Variants in VWDE observed in about 807,000 individuals in gnomAD.
VWDE encodes the protein von Willebrand factor D and EGF domains, also known as von Willebrand factor D and EGF domain-containing protein.
A neutral mutation model predicts 178.4 loss-of-function variants in VWDE; 207 were observed. The observed-to-expected ratio is 1.16, with a 90% CI of 1.04 to 1.30. The LOEUF is 1.30. VWDE is among the 50% of genes most tolerant of loss of function. VWDE has a pLI of 0.00. For synonymous variants in VWDE, 738 were observed against 651.4 expected (o/e 1.13, Z -2.02); for missense variants, 2,287 against 1,901.3 (o/e 1.20, Z -3.77).
At chr7:12,376,306 C>A (rs1364346321) in intron 7 of VWDE, among the ~76,000 whole-genome samples, 1 of 143,066 alleles carries the variant, frequency 7.0e-6, no homozygotes, top group Non-Finnish European at 1.6e-5. Context: ...CAGACACCAA[C>A]TGGTTCCCTA....
intron 2 of VWDE, 72 bp downstream of exon 2, chr7:12,393,522 G>A: frequency 1.6e-6 from 2 of 1,271,368 alleles, no homozygotes; most frequent in East Asian, 2.6e-5. Context: ...TAAGCTGGTG[G>A]TAAAAAGATA....
intron 18 of VWDE, chr7:12,354,453 G>A (rs1482830220): frequency 1.5e-5 from 6 of 410,470 alleles, no homozygotes; most frequent in Non-Finnish European, 2.4e-5. Context: ...AAGGCTTGGA[G>A]TCACACTCAT....
At chr7:12,379,870 G>A (rs1253087598) in intron 5 of VWDE, among the ~76,000 whole-genome samples, 3 of 152,060 alleles carry the variant, frequency 2.0e-5, no homozygotes, top group East Asian at 1.9e-4. Context: ...CGAGGCGGGC[G>A]GATCACGAGG....
At chr7:12,379,844 C>T (rs1783744068) in intron 5 of VWDE, among the ~76,000 whole-genome samples, 1 of 152,056 alleles carries the variant, frequency 6.6e-6, no homozygotes, top group Admixed American at 6.5e-5. Flanking sequence ...CCTGTAATCC[C>T]AGCACTTTGG....
rs903660247 is a variant in VWDE at position 12,402,425 on chromosome 7, G to A, written c.58+1234C>T. On this transcript the variant is annotated intron_variant, in intron 1 of 28. Coordinates refer to ENST00000275358, the MANE Select transcript of VWDE (RefSeq NM_001135924.3). ...CTAGTTTTACTCCATTAAACATAAA[G>A]AACTTGACAATGTTACCAATGTTAT... 2.4e-4 allele frequency among the ~76,000 whole-genome samples: 36 copies of A among 152,070 alleles called. 1 individual carries two copies. The highest frequency in any genetic ancestry group is 8.7e-4 in the African/African-American group (36 of 41,430).
chr7:12,340,496 G>A, intron 23 of VWDE, 79 bp from the exon 24 acceptor site: 1 of 969,276 alleles, frequency 1.0e-6, no homozygotes, highest in Non-Finnish European at 1.5e-6. Context: ...GTGCAAAATG[G>A]TGCATAATGA....
chr7:12,353,421 G>GT (rs1159321225), intron 18 of VWDE, among the ~76,000 whole-genome samples: 5 of 2,422 alleles, frequency 2.1e-3, no homozygotes, highest in Non-Finnish European at 5.9e-3. Flanking sequence ...TATAAATTTT[G>GT]GGGGGACGCA....
Position 12,377,861 on chromosome 7 carries a change from T to C in VWDE, c.939A>G (p.Glu313=). ...EDGKEYYLRI[E]STVPIICSEF... ...CAGAACAAATAATAGGAACTGTGCT[T>C]TCTATCCTCAGGTAGTATTCTTTCC... The change falls in exon 7 of 29, where the codon GAA becomes GAG. Residue 313 remains glutamate (E), a synonymous_variant. Transcript: ENST00000275358. 6.5e-7 allele frequency: 1 copy of C among 1,529,590 alleles called. No individual in the cohort carries two copies. Among genetic ancestry groups the C allele is most frequent in the Non-Finnish European group, 8.8e-7 (1 of 1,136,890 alleles). 94.8% of individuals were successfully genotyped at this position (1,529,590 alleles called of 1,614,324 possible).
chr7:12,341,926 C>T (rs1357850391), intron 23 of VWDE, 133 bp downstream of exon 23: 7 of 596,644 alleles, frequency 1.2e-5, no homozygotes, highest in African/African-American at 3.7e-5. Context: ...AAAAATCTGT[C>T]TGAAATAACA....
chr7:12,346,838 TA>T (rs1340171329), intron 19 of VWDE, among the ~76,000 whole-genome samples: 1 of 152,058 alleles, frequency 6.6e-6, no homozygotes, highest in Non-Finnish European at 1.5e-5. Flanking sequence ...TCTTAAAATA[TA>T]AAAAACACTT....
At chr7:12,373,282 C>T (rs1016628151) in intron 9 of VWDE, 35 bp from the exon 10 acceptor site, 18 of 1,539,448 alleles carry the variant, frequency 1.2e-5, no homozygotes, top group East Asian at 2.4e-5. Flanking sequence ...ATTAAAAAAT[C>T]GTGTAAAATA....
intron 1 of VWDE, among the ~76,000 whole-genome samples, chr7:12,393,985 A>G (rs1784512131): frequency 6.6e-6 from 1 of 152,200 alleles, no homozygotes; most frequent in Admixed American, 6.5e-5. Context: ...AAACAAATCA[A>G]CAAAACTCTT....
Position 12,377,918 on chromosome 7 carries a change from T to C in VWDE, c.882A>G (p.Leu294=), listed in dbSNP as rs1783632001. 2.1e-6 allele frequency: 3 copies of C among 1,410,344 alleles called. No individual in the cohort carries two copies. The highest frequency in any genetic ancestry group is 1.5e-5 in the African/African-American group (1 of 67,554). 87.4% of individuals were successfully genotyped at this position (1,410,344 alleles called of 1,614,324 possible). A position where few individuals can be genotyped will look rare whatever the true frequency, so the allele number is the denominator to read the frequency against. The change falls in exon 7 of 29, where the codon CTA becomes CTG. Residue 294 remains leucine (L), a splice_region_variant and synonymous_variant. Coordinates refer to ENST00000275358, the MANE Select transcript of VWDE (RefSeq NM_001135924.3). The part of the protein sequence containing the change: ...ESQEFFAGFK[L]QPELSTISED... ...CTGATATAGTGCTCAATTCAGGCTG[T>C]AGCTGGTATAAGAAAATACGTAGAA...
At position 12,361,131 on chromosome 7, in the gene VWDE, T is replaced by C. The variant is rs1304844733; in HGVS notation, c.3159+16A>G. 17 of 1,434,608 alleles carry C rather than the reference T, an allele frequency of 1.2e-5. No individual in the cohort carries two copies. The highest frequency in any genetic ancestry group is 1.3e-5 in the Non-Finnish European group (14 of 1,052,790). 88.9% of individuals were successfully genotyped at this position (1,434,608 alleles called of 1,614,324 possible). ...CCTATGATGTAAATGTGAAAATACA[T>C]GAAAAAAATACATACCTTTATAGTA... On this transcript the variant is annotated intron_variant, in intron 15 of 28. Coordinates refer to ENST00000275358, the MANE Select transcript of VWDE (RefSeq NM_001135924.3).
intron 5 of VWDE, 71 bp from the exon 6 acceptor site, chr7:12,379,637 A>G (rs531851868): frequency 9.1e-7 from 1 of 1,103,148 alleles, no homozygotes; most frequent in Non-Finnish European, 1.3e-6. Flanking sequence ...TATCACTTTT[A>G]AAATCCTAAA....
At chr7:12,389,652 T>C (rs1468084092) in intron 2 of VWDE, among the ~76,000 whole-genome samples, 1 of 152,204 alleles carries the variant, frequency 6.6e-6, no homozygotes, top group African/African-American at 2.4e-5. Flanking sequence ...CTCAGATACC[T>C]TACTAAAATA....
At chr7:12,358,658 T>G (rs1214095859) in intron 16 of VWDE, among the ~76,000 whole-genome samples, 1 of 152,178 alleles carries the variant, frequency 6.6e-6, no homozygotes, top group Non-Finnish European at 1.5e-5. Context: ...CTTAATTTCC[T>G]CATCCTCAAT....
Position 12,383,553 on chromosome 7 carries a change from G to A in VWDE, c.524C>T (p.Thr175Ile), listed in dbSNP as rs866855789. 1.9e-6 allele frequency: 3 copies of A among 1,550,360 alleles called. No individual in the cohort carries two copies. The highest frequency in any genetic ancestry group is 8.7e-7 in the Non-Finnish European group (1 of 1,145,912). The change falls in exon 4 of 29, where the codon ACA (threonine) becomes ATA (isoleucine). Residue 175 changes from threonine to isoleucine, a missense_variant. Physicochemically the swap from Thr to Ile is moderately conservative, Grantham distance 89 (BLOSUM62 -1). Transcript: ENST00000275358. ...LHPCGSDETE[T>I]GGDCVRQLAA... ...ATACTTACGAACACAATCACCTCCT[G>A]TTTCAGTTTCATCAGAACCACATGG...
At chr7:12,339,660 G>C (rs113037855) in intron 24 of VWDE, among the ~76,000 whole-genome samples, 221 of 152,182 alleles carry the variant, frequency 1.5e-3, no homozygotes, top group African/African-American at 5.1e-3. Context: ...GAAATACTCT[G>C]ACATGTTCTA....
Sources: allele counts gnomAD v4.1 joint callset (sites outside exome capture counted in the v4.1 genomes callset), GRCh38; gene constraint gnomAD v4.1.1; transcripts MANE v1.5; gene names NCBI Gene and HGNC (gene_info 2026-07-23, HGNC 2026-07-21).